Variants in NDUFA5 observed in about 807,000 individuals in gnomAD.
NDUFA5 encodes NADH:ubiquinone oxidoreductase subunit A5.
Under a neutral mutation model 19.8 loss-of-function variants are expected in NDUFA5, and 11 were observed. The ratio of observed to expected loss-of-function variants is 0.56; its 90% CI spans 0.35 to 0.92. NDUFA5 has a LOEUF of 0.92. Ranked by LOEUF, NDUFA5 falls within the 40% of genes least tolerant of loss-of-function variation. The pLI, the probability that NDUFA5 is intolerant of heterozygous loss-of-function variation, is 0.01. For missense variants in NDUFA5, 109 were observed against 134.2 expected (o/e 0.81, Z 0.93); for synonymous variants, 47 against 46.8 (o/e 1.00, Z -0.01).
the NDUFA5 span, among the ~76,000 whole-genome samples, chr7:123,593,764 T>A: frequency 6.6e-6 from 1 of 152,278 alleles, no homozygotes; most frequent in African/African-American, 2.4e-5. Flanking sequence ...GTCTTGGGGT[T>A]GCTCTTCTCG....
the NDUFA5 span, among the ~76,000 whole-genome samples, chr7:123,596,848 A>G: frequency 6.6e-6 from 1 of 152,236 alleles, no homozygotes; most frequent in African/African-American, 2.4e-5. Context: ...GAGAGAATAG[A>G]GTACAATACT....
At chr7:123,599,020 T>C in the NDUFA5 span, 1 of 152,236 alleles carries the variant, frequency 6.6e-6, no homozygotes, top group Non-Finnish European at 1.5e-5. Context: ...AAAGGATTTA[T>C]TTTATGTTTT....
At position 123,540,346 on chromosome 7, in the gene NDUFA5, A is replaced by C. The variant is rs1475072957; in HGVS notation, c.*1773T>G. On this transcript the variant is annotated 3_prime_UTR_variant, in exon 5 of 5. Transcript: ENST00000355749. ...CAGTAAGGTCCCCTTTTAGCAAAAA[A>C]GTTCAGTAACACTGTTGGTGAAACA... 1 of 152,188 alleles carries C rather than the reference A, an allele frequency of 6.6e-6. No individual in the cohort carries two copies. The highest frequency in any genetic ancestry group is 6.5e-5 in the Admixed American group (1 of 15,278). The allele number at this position is 152,188 out of a possible 1,614,324, so 9.4% of individuals were successfully genotyped here.
chr7:123,545,526 G>T, intron 4 of NDUFA5, 85 bp downstream of exon 4: 1 of 1,074,336 alleles, frequency 9.3e-7, no homozygotes, highest in Non-Finnish European at 1.4e-6. Context: ...ATATAAACAA[G>T]GAAATTTAGT....
chr7:123,565,213 C>T, the NDUFA5 span, among the ~76,000 whole-genome samples: 1 of 152,152 alleles, frequency 6.6e-6, no homozygotes, highest in Non-Finnish European at 1.5e-5. Context: ...AGAGTGAATT[C>T]ACCTTTCTTC....
chr7:123,560,529 A>G (rs1247881472), upstream of NDUFA5, among the ~76,000 whole-genome samples: 1 of 152,248 alleles, frequency 6.6e-6, no homozygotes, highest in East Asian at 1.9e-4. Flanking sequence ...GCCATAACAA[A>G]ATACTATGGA....
At position 123,538,472 on chromosome 7, in the gene NDUFA5, G is replaced by A. The variant is rs1269004340; in HGVS notation, c.*3647C>T. 1 of 152,126 alleles carries A rather than the reference G, an allele frequency of 6.6e-6. No homozygotes were observed. Among genetic ancestry groups the A allele is most frequent in the Non-Finnish European group, 1.5e-5 (1 of 68,028 alleles). 9.4% of individuals were successfully genotyped at this position (152,126 alleles called of 1,614,324 possible). A position where few individuals can be genotyped will look rare whatever the true frequency, so the allele number is the denominator to read the frequency against. ...CGTCGACCTCCTCTAAACACAACTGGTAGCCTCTCATTTACTTTTCTCTAA... is the reference window on the plus strand; with the variant it reads ...CGTCGACCTCCTCTAAACACAACTGATAGCCTCTCATTTACTTTTCTCTAA... On this transcript the variant is annotated 3_prime_UTR_variant, in exon 5 of 5. Coordinates refer to ENST00000355749, the MANE Select transcript of NDUFA5 (RefSeq NM_005000.5).
chr7:123,557,121 T>G, intron 2 of NDUFA5: 1 of 637,476 alleles, frequency 1.6e-6, no homozygotes, highest in East Asian at 3.2e-5. Flanking sequence ...GAGATATAAA[T>G]TTGAGATGGC....
At chr7:123,545,939 C>G (rs533633148) in intron 3 of NDUFA5, 4 of 304,252 alleles carry the variant, frequency 1.3e-5, no homozygotes, top group African/African-American at 2.2e-5. Context: ...CTTCCTAAAA[C>G]AGATTTTAAA....
Position 123,540,888 on chromosome 7 carries a change from GTGCACACACA to G in NDUFA5, c.*1221_*1230del, listed in dbSNP as rs1246443436. On this transcript the variant is annotated 3_prime_UTR_variant, in exon 5 of 5. Transcript: ENST00000355749. ...ATTCTGAGCAAATGTGCGCATGCGC[GTGCACACACA>G]CACACACACACACACACACACACAC... 12 of 83,914 alleles carry G rather than the reference GTGCACACACA, an allele frequency of 1.4e-4. No individual in the cohort carries two copies. The highest frequency in any genetic ancestry group is 4.9e-4 in the African/African-American group (11 of 22,588). 5.2% of individuals were successfully genotyped at this position (83,914 alleles called of 1,614,324 possible).
At chr7:123,574,335 C>T in the NDUFA5 span, among the ~76,000 whole-genome samples, 81 of 152,158 alleles carry the variant, frequency 5.3e-4, no homozygotes, top group South Asian at 2.7e-3. Context: ...AAGACAGTGG[C>T]TCTCAAATTT....
chr7:123,540,014 T>C lies in NDUFA5; in HGVS notation c.*2105A>G. 1 of 152,190 alleles carries C rather than the reference T, an allele frequency of 6.6e-6. No individual in the cohort carries two copies. Among genetic ancestry groups the C allele is most frequent in the African/African-American group, 2.4e-5 (1 of 41,452 alleles). The allele number at this position is 152,190 out of a possible 1,614,324, so 9.4% of individuals were successfully genotyped here. ...GGGTTCAAACTTCAGCTTCACATCT[T>C]ACTAGCTATGTGACCTTGGATTTGT... On this transcript the variant is annotated 3_prime_UTR_variant, in exon 5 of 5. Transcript: ENST00000355749.
rs766305834 is a variant in NDUFA5 at position 123,540,890 on chromosome 7, G to GCGCGCGCACA, written c.*1228_*1229insTGTGCGCGCG. On this transcript the variant is annotated 3_prime_UTR_variant, in exon 5 of 5. Coordinates refer to ENST00000355749, the MANE Select transcript of NDUFA5 (RefSeq NM_005000.5). ...TCTGAGCAAATGTGCGCATGCGCGTGCACACACACACACACACACACACAC... is the reference window on the plus strand; with the variant it reads ...TCTGAGCAAATGTGCGCATGCGCGTGCGCGCGCACACACACACACACACACACACACACAC... 0.042 allele frequency: 5,610 copies of GCGCGCGCACA among 133,850 alleles called. 149 individuals are homozygous for GCGCGCGCACA. The highest frequency in any genetic ancestry group is 0.063 in the East Asian group (285 of 4,524). 8.3% of individuals were successfully genotyped at this position (133,850 alleles called of 1,614,324 possible). A position where few individuals can be genotyped will look rare whatever the true frequency, so the allele number is the denominator to read the frequency against.
At chr7:123,570,094 G>A in the NDUFA5 span, among the ~76,000 whole-genome samples, 1 of 142,996 alleles carries the variant, frequency 7.0e-6, no homozygotes, top group African/African-American at 2.6e-5. Context: ...GCTTGCAGTG[G>A]CACGATCTCG....
intron 2 of NDUFA5, chr7:123,556,607 CAAA>C: frequency 2.6e-5 from 5 of 192,380 alleles, no homozygotes; most frequent in Admixed American, 1.0e-4. Context: ...TCAAATGTGT[CAAA>C]AAAAAAAAAA....
At chr7:123,558,107 A>G (rs1003156886), upstream of NDUFA5, 3 of 505,166 alleles carry the variant, frequency 5.9e-6, no homozygotes, top group African/African-American at 1.9e-5. Context: ...CCAACTACCA[A>G]AAAACTCCAG....
chr7:123,551,467 C>A (rs550883939), intron 2 of NDUFA5: 106 of 793,228 alleles, frequency 1.3e-4, no homozygotes, highest in Admixed American at 6.2e-4. Context: ...CCTCAGCCTC[C>A]CAAAGTGCTG....
the NDUFA5 span, among the ~76,000 whole-genome samples, chr7:123,592,275 C>A: frequency 6.6e-6 from 1 of 150,646 alleles, no homozygotes; most frequent in Non-Finnish European, 1.5e-5. Flanking sequence ...TTTTTTGTGT[C>A]TCTGTCTCAT....
At chr7:123,570,956 A>G in the NDUFA5 span, among the ~76,000 whole-genome samples, 1 of 152,318 alleles carries the variant, frequency 6.6e-6, no homozygotes, top group Admixed American at 6.5e-5. Flanking sequence ...CTCCTCTGGA[A>G]CTATGCCAAT....
Sources: allele counts gnomAD v4.1 joint callset (sites outside exome capture counted in the v4.1 genomes callset), GRCh38; gene constraint gnomAD v4.1.1; transcripts MANE v1.5; gene names NCBI Gene and HGNC (gene_info 2026-07-23, HGNC 2026-07-21).